DAB2IP: variants seen among roughly 807,000 people sequenced by gnomAD.
The protein encoded by DAB2IP is DAB2 interacting protein.
DAB2IP carries 28 observed loss-of-function variants against 107.2 expected under a neutral mutation model. The observed-to-expected ratio is 0.26, with a 90% CI of 0.19 to 0.36. The LOEUF (loss-of-function observed/expected upper bound fraction) is 0.36. Ranked by LOEUF, DAB2IP falls within the 10% of genes least tolerant of loss-of-function variation. The pLI, the probability that DAB2IP is intolerant of heterozygous loss-of-function variation, is 1.00. For synonymous variants in DAB2IP, 755 were observed against 706.4 expected (o/e 1.07, Z -1.09); for missense variants, 1,400 against 1,644.7 (o/e 0.85, Z 2.57).
chr9:121,582,543 C>T (rs1236512825), intron 1 of DAB2IP, among the ~76,000 whole-genome samples: 3 of 152,070 alleles, frequency 2.0e-5, no homozygotes, highest in Admixed American at 1.3e-4. Context: ...TCCACTGGCG[C>T]CCCCGTGACT....
At position 121,782,074 on chromosome 9, in the gene DAB2IP, G is replaced by C. The variant is rs1328038327; in HGVS notation, c.3403-257G>C. ...TGTCATGCACACACATGTGAGCAAGGGTGCCTGCCCTAGGGGCCGCAGGCA... is the reference window on the plus strand; with the variant it reads ...TGTCATGCACACACATGTGAGCAAGCGTGCCTGCCCTAGGGGCCGCAGGCA... On this transcript the variant is annotated intron_variant, in intron 15 of 15. Coordinates refer to ENST00000408936, the Ensembl canonical transcript of DAB2IP. The surrounding 1 kb of genome is among the most constrained non-coding windows in gnomAD (Gnocchi z 6.1). Among the ~76,000 whole-genome samples the C allele has an allele frequency of 6.6e-6, 1 of 152,188 alleles. No homozygotes were observed. The highest frequency in any genetic ancestry group is 2.4e-5 in the African/African-American group (1 of 41,440).
chr9:121,635,933 T>C lies in DAB2IP; in HGVS notation c.41-42745T>C, dbSNP rs1564124879. 6.6e-6 allele frequency among the ~76,000 whole-genome samples: 1 copy of C among 152,202 alleles called. No individual in the cohort carries two copies. The highest frequency in any genetic ancestry group is 1.9e-4 in the East Asian group (1 of 5,172). On this transcript the variant is annotated intron_variant, in intron 1 of 16. Coordinates refer to the DAB2IP transcript ENST00000259371. The surrounding 1 kb of genome is among the most constrained non-coding windows in gnomAD (Gnocchi z 4.3). ...GGGGGGGGTCTGGGGGATGGAGTCT[T>C]GCTCTGTCTCCCCAGGCTGGAGTGC...
chr9:121,757,251 G>A (rs2118955925), intron 4 of DAB2IP, 85 bp downstream of exon 4: 1 of 1,530,004 alleles, frequency 6.5e-7, no homozygotes, highest in Non-Finnish European at 8.8e-7. Context: ...CTGGAGTCCA[G>A]TCTGCTGTGG....
intron 3 of DAB2IP, among the ~76,000 whole-genome samples, chr9:121,725,625 G>A (rs1194767783): frequency 6.6e-6 from 1 of 152,232 alleles, no homozygotes; most frequent in Admixed American, 6.5e-5. Flanking sequence ...GAGGGTCTGT[G>A]CGTGAACAGA....
At chr9:121,719,069 G>A (rs1344581349) in intron 3 of DAB2IP, among the ~76,000 whole-genome samples, 1 of 152,230 alleles carries the variant, frequency 6.6e-6, no homozygotes, top group Admixed American at 6.5e-5. Context: ...AACAAAGCAA[G>A]AATCTAGCTC....
At chr9:121,626,947 C>G (rs966954648) in intron 1 of DAB2IP, among the ~76,000 whole-genome samples, 1 of 152,008 alleles carries the variant, frequency 6.6e-6, no homozygotes, top group African/African-American at 2.4e-5. Flanking sequence ...GCAGAAAGTA[C>G]GAGATCCCAT....
At chr9:121,579,479 G>A (rs1830142251) in intron 1 of DAB2IP, among the ~76,000 whole-genome samples, 1 of 151,974 alleles carries the variant, frequency 6.6e-6, no homozygotes, top group Non-Finnish European at 1.5e-5. Flanking sequence ...TCACATCTGT[G>A]TGTCCTCACA....
At chr9:121,580,409 TG>T (rs1830165053) in intron 1 of DAB2IP, among the ~76,000 whole-genome samples, 1 of 152,128 alleles carries the variant, frequency 6.6e-6, no homozygotes, top group African/African-American at 2.4e-5. Flanking sequence ...CCAGGTACAG[TG>T]GCTCGTGCCT....
At chr9:121,727,774 C>T (rs1429604099) in intron 3 of DAB2IP, among the ~76,000 whole-genome samples, 3 of 152,224 alleles carry the variant, frequency 2.0e-5, no homozygotes, top group Non-Finnish European at 4.4e-5. Context: ...CGAGAATCAG[C>T]TGCTTGCCTC....
intron 1 of DAB2IP, among the ~76,000 whole-genome samples, chr9:121,585,716 A>G (rs1261726540): frequency 6.6e-6 from 1 of 152,128 alleles, no homozygotes; most frequent in African/African-American, 2.4e-5. Flanking sequence ...TTAGCCAGAC[A>G]TGTGGTGCAT....
intron 3 of DAB2IP, among the ~76,000 whole-genome samples, chr9:121,705,827 G>C (rs1030788553): frequency 1.3e-5 from 2 of 152,190 alleles, no homozygotes; most frequent in Non-Finnish European, 2.9e-5. Flanking sequence ...CCTATTTCCA[G>C]GCCCCATATT....
rs141295698 is a variant in DAB2IP, at chr9:121,634,551, C to T, written c.41-44127C>T. 1.4e-4 allele frequency among the ~76,000 whole-genome samples: 21 copies of T among 152,140 alleles called. No homozygotes were observed. The East Asian group carries it at 3.5e-3, about 25-fold the overall frequency. On this transcript the variant is annotated intron_variant, in intron 1 of 16. Coordinates refer to the DAB2IP transcript ENST00000259371. This position sits in a 1 kb window ranked among gnomAD's most constrained non-coding sequence, Gnocchi z 4.7. Reference sequence around the variant, plus strand: ...AGCCTGGGCAGGTGCAGCCTCGGTGCGCAGTTTGGAAGGGGTGACGCGCAG... The same window carrying T: ...AGCCTGGGCAGGTGCAGCCTCGGTGTGCAGTTTGGAAGGGGTGACGCGCAG...
rs975291839 is a variant in DAB2IP at position 121,599,833 on chromosome 9, C to T, written c.40+32605C>T. ...TGGTTTGCCGGGATCCGAGCGGCAT[C>T]CCGGGTTCGAGAGGATCCGGGGGCT... On this transcript the variant is annotated intron_variant, in intron 1 of 16. Transcript: ENST00000259371. This position sits in a 1 kb window ranked among gnomAD's most constrained non-coding sequence, Gnocchi z 6.9. Among the ~76,000 whole-genome samples the T allele has an allele frequency of 6.6e-6, 1 of 151,936 alleles. No individual in the cohort carries two copies. The highest frequency in any genetic ancestry group is 1.5e-5 in the Non-Finnish European group (1 of 67,948).
exon 10 of DAB2IP, chr9:121,768,582 G>A: frequency 1.2e-6 from 2 of 1,614,140 alleles, no homozygotes; most frequent in Non-Finnish European, 1.7e-6. Context: ...TGGGCCGCGA[G>A]CTCTCCAGCC....
At chr9:121,732,343 G>A (rs992979744) in intron 3 of DAB2IP, among the ~76,000 whole-genome samples, 2 of 152,184 alleles carry the variant, frequency 1.3e-5, no homozygotes, top group Non-Finnish European at 2.9e-5. Context: ...CATTTTTGGA[G>A]TGAACATGTG....
intron 13 of DAB2IP, among the ~76,000 whole-genome samples, chr9:121,775,374 T>G (rs1835126152): frequency 1.3e-5 from 2 of 152,158 alleles, no homozygotes; most frequent in Non-Finnish European, 2.9e-5. Context: ...TCCACCTGCT[T>G]TCACCATAGT....
rs1042134942 is a variant in DAB2IP, at chr9:121,699,150, G to C, written c.229-175G>C. On this transcript the variant is annotated intron_variant, in intron 2 of 15. Transcript: ENST00000408936. This position sits in a 1 kb window ranked among gnomAD's most constrained non-coding sequence, Gnocchi z 6.2. ...CCGCGCTGCGCGGGCCGGGCCGTCG[G>C]CGCTCGGTCGGCGGGCGGGCGGCGC... Among the ~76,000 whole-genome samples the C allele has an allele frequency of 1.2e-3, 181 of 145,070 alleles. No homozygotes were observed. Among genetic ancestry groups the C allele is most frequent in the African/African-American group, 4.4e-3 (179 of 40,256 alleles).
intron 1 of DAB2IP, among the ~76,000 whole-genome samples, chr9:121,641,746 T>G (rs577911655): frequency 3.3e-5 from 5 of 151,882 alleles, no homozygotes; most frequent in Non-Finnish European, 5.9e-5. Flanking sequence ...GTAGGTCACT[T>G]GTTCCTGGTC....
chr9:121,620,518 T>C (rs1408635280), intron 1 of DAB2IP, among the ~76,000 whole-genome samples: 1 of 152,212 alleles, frequency 6.6e-6, no homozygotes, highest in East Asian at 1.9e-4. Flanking sequence ...CCCCAGTAGG[T>C]TCTTGGAAGT....
Sources: allele counts gnomAD v4.1 joint callset (sites outside exome capture counted in the v4.1 genomes callset), GRCh38; gene constraint gnomAD v4.1.1; non-coding constraint Gnocchi (gnomAD v3.1); transcripts MANE v1.5; gene names NCBI Gene and HGNC (gene_info 2026-07-23, HGNC 2026-07-21).